PLEKHG1: variants seen among roughly 807,000 people sequenced by gnomAD.
PLEKHG1 encodes pleckstrin homology and RhoGEF domain containing G1, also known as pleckstrin homology domain-containing family G member 1.
A neutral mutation model predicts 100.8 loss-of-function variants in PLEKHG1; 44 were observed. The observed-to-expected ratio is 0.44, with a 90% CI of 0.34 to 0.56. The LOEUF (loss-of-function observed/expected upper bound fraction) is 0.56. PLEKHG1 is among the 20% of genes least tolerant of loss of function. The probability of loss-of-function intolerance (pLI) is 0.01; values close to 1 mark genes in which losing one functional copy is unlikely to be tolerated. For missense variants in PLEKHG1, 1,545 were observed against 1,720.9 expected (o/e 0.90, Z 1.81); for synonymous variants, 640 against 662.5 (o/e 0.97, Z 0.52).
chr6:150,747,892 G>A lies in PLEKHG1; in HGVS notation c.411+13800G>A, dbSNP rs546799153. Among the ~76,000 whole-genome samples, 566 of 148,672 alleles carry A rather than the reference G, an allele frequency of 3.8e-3. 4 individuals are homozygous for A. The highest frequency in any genetic ancestry group is 0.013 in the African/African-American group (538 of 40,334). ...GCCTAGGCGACAAGAGCGAAACTCC[G>A]TCTCAAAAAAAAAAAAAAAGTTAAG... On this transcript the variant is annotated intron_variant, in intron 2 of 15. Coordinates refer to ENST00000358517, the Ensembl canonical transcript of PLEKHG1.
At chr6:150,841,004 C>T (rs1040036361) in exon 16 of PLEKHG1, 3 of 871,762 alleles carry the variant, frequency 3.4e-6, no homozygotes, top group African/African-American at 3.3e-5. Flanking sequence ...TTTGTAAGAA[C>T]CAGAGGTGTA....
intron 3 of PLEKHG1, among the ~76,000 whole-genome samples, chr6:150,771,091 A>G (rs1450529116): frequency 6.6e-6 from 1 of 152,108 alleles, no homozygotes; most frequent in Admixed American, 6.6e-5. Context: ...TAGAGTTTAA[A>G]TCTTTACGTG....
chr6:150,769,313 G>C (rs1784595055), intron 3 of PLEKHG1, among the ~76,000 whole-genome samples: 1 of 152,116 alleles, frequency 6.6e-6, no homozygotes, highest in Non-Finnish European at 1.5e-5. Context: ...CAGACATGGT[G>C]GCTCACACCT....
intron 3 of PLEKHG1, among the ~76,000 whole-genome samples, chr6:150,667,204 C>T (rs1351343104): frequency 6.6e-6 from 1 of 152,142 alleles, no homozygotes; most frequent in Non-Finnish European, 1.5e-5. Flanking sequence ...TCTGCATCAC[C>T]TTTAGTTAGC....
At chr6:150,743,774 A>G (rs757547527) in intron 2 of PLEKHG1, among the ~76,000 whole-genome samples, 2 of 148,772 alleles carry the variant, frequency 1.3e-5, no homozygotes, top group Non-Finnish European at 3.0e-5. Flanking sequence ...TACTCATTCC[A>G]GTTCATTTGA....
rs925639326 is a variant in PLEKHG1 at position 150,768,736 on chromosome 6, T to C, written c.510T>C (p.Asn170=). ...ACATACAGGATATCTACCACTTCAA[T>C]AGGTAAGTTAATATTCAAAAGATTG... The change falls in exon 3 of 16, where the codon AAT becomes AAC. Residue 170 remains asparagine, a splice_region_variant and synonymous_variant. Coordinates refer to ENST00000358517, the Ensembl canonical transcript of PLEKHG1. The C allele has an allele frequency of 2.7e-6, 4 of 1,503,602 alleles. No individual in the cohort carries two copies. The African/African-American group carries it at 5.5e-5, about 21-fold the overall frequency. The allele number at this position is 1,503,602 out of a possible 1,614,324, so 93.1% of individuals were successfully genotyped here.
intron 1 of PLEKHG1, among the ~76,000 whole-genome samples, chr6:150,607,134 A>G (rs1776634111): frequency 6.6e-6 from 1 of 152,180 alleles, no homozygotes; most frequent in Admixed American, 6.5e-5. Flanking sequence ...GGAAACAAGT[A>G]GAAGCAAAGG....
chr6:150,720,316 CA>C (rs1781612621), upstream of PLEKHG1, among the ~76,000 whole-genome samples: 1 of 152,010 alleles, frequency 6.6e-6, no homozygotes, highest in African/African-American at 2.4e-5. Flanking sequence ...TTAGAGAAAT[CA>C]AAAACCCAAA....
intron 3 of PLEKHG1, among the ~76,000 whole-genome samples, chr6:150,707,548 G>T (rs1161172954): frequency 6.6e-6 from 1 of 152,122 alleles, no homozygotes; most frequent in Non-Finnish European, 1.5e-5. Context: ...CACAGCCAGG[G>T]TGACGTGAGC....
chr6:150,631,141 A>C (rs764073601), intron 1 of PLEKHG1, among the ~76,000 whole-genome samples: 7 of 152,154 alleles, frequency 4.6e-5, no homozygotes, highest in Non-Finnish European at 1.0e-4. Context: ...CCACAAGCTC[A>C]CTTGTGGAGC....
intron 3 of PLEKHG1, among the ~76,000 whole-genome samples, chr6:150,785,181 A>C (rs1785548136): frequency 6.6e-6 from 1 of 152,262 alleles, no homozygotes; most frequent in African/African-American, 2.4e-5. Context: ...GGACCTTCTT[A>C]GAGCAGAAAT....
intron 2 of PLEKHG1, among the ~76,000 whole-genome samples, chr6:150,765,465 G>C (rs759002238): frequency 2.7e-5 from 4 of 150,902 alleles, no homozygotes; most frequent in African/African-American, 7.4e-5. Context: ...CTGCACTCCA[G>C]CTTGGGTGAC....
chr6:150,722,417 G>A (rs1169513558), intron 1 of PLEKHG1, among the ~76,000 whole-genome samples: 7 of 130,148 alleles, frequency 5.4e-5, no homozygotes, highest in Non-Finnish European at 1.1e-4. Flanking sequence ...GCAGTGGCAC[G>A]ATCTTGGCTC....
chr6:150,807,413 A>G (rs767959503), intron 7 of PLEKHG1, among the ~76,000 whole-genome samples: 1 of 152,046 alleles, frequency 6.6e-6, no homozygotes, highest in Non-Finnish European at 1.5e-5. Flanking sequence ...GCTCAAACTA[A>G]TACTCCATTT....
At chr6:150,736,904 G>A (rs1003599389) in intron 2 of PLEKHG1, among the ~76,000 whole-genome samples, 5 of 152,110 alleles carry the variant, frequency 3.3e-5, no homozygotes, top group Non-Finnish European at 7.4e-5. Context: ...CTGGAAATCT[G>A]AGATGGAAAT....
chr6:150,827,296 A>T (rs527412714), intron 14 of PLEKHG1, among the ~76,000 whole-genome samples: 123 of 123,770 alleles, frequency 9.9e-4, no homozygotes, highest in Admixed American at 3.5e-3. Flanking sequence ...TTTTTTTTTG[A>T]GATAGAGTTT....
At chr6:150,671,810 A>G (rs1484308284) in intron 3 of PLEKHG1, among the ~76,000 whole-genome samples, 2 of 152,206 alleles carry the variant, frequency 1.3e-5, no homozygotes, top group Non-Finnish European at 2.9e-5. Flanking sequence ...AAAACCAGTG[A>G]GGCTGGAGGC....
intron 10 of PLEKHG1, among the ~76,000 whole-genome samples, chr6:150,810,472 GAAAGAAAGAAA>G (rs879268267): frequency 0.16 from 21,402 of 129,886 alleles, 1,909 homozygotes; most frequent in Non-Finnish European, 0.2. Context: ...TCAAAAAAAA[GAAAGAAAGAAA>G]GAAGGAAGGA....
chr6:150,624,307 C>CA (rs1398307741), intron 1 of PLEKHG1, among the ~76,000 whole-genome samples: 1 of 152,136 alleles, frequency 6.6e-6, no homozygotes, highest in Non-Finnish European at 1.5e-5. Flanking sequence ...ATCTCTGCTT[C>CA]TTGTCTCCAG....
Sources: gnomAD v4.1 joint callset for allele counts (sites outside exome capture counted in the v4.1 genomes callset) on GRCh38, gnomAD v4.1.1 for gene constraint, MANE v1.5 for transcripts, NCBI Gene and HGNC (gene_info 2026-07-23, HGNC 2026-07-21) for gene names.